Variants in ACOX1 observed in about 807,000 individuals in gnomAD.
ACOX1 encodes acyl-CoA oxidase 1.
In ACOX1, 41 loss-of-function variants were observed where a neutral mutation model predicts 75.5. The ratio of observed to expected loss-of-function variants is 0.54; its 90% confidence interval spans 0.42 to 0.70. The LOEUF is 0.70. Ranked by LOEUF, ACOX1 falls within the 30% of genes least tolerant of loss-of-function variation. The pLI is 0.00. For synonymous variants in ACOX1, 303 were observed against 298.8 expected (o/e 1.01, Z -0.15); for missense variants, 630 against 837.5 (o/e 0.75, Z 3.06).
At chr17:75,963,819 G>A (rs1430577232) in intron 2 of ACOX1, among the ~76,000 whole-genome samples, 1 of 151,726 alleles carries the variant, frequency 6.6e-6, no homozygotes, top group Admixed American at 6.6e-5. Flanking sequence ...TAGAGACTCC[G>A]TGACGGGTTC....
chr17:75,965,696 G>A (rs763310376), intron 2 of ACOX1, among the ~76,000 whole-genome samples: 14 of 152,116 alleles, frequency 9.2e-5, no homozygotes, highest in East Asian at 1.9e-4. Context: ...AACTGGGCGC[G>A]GTGTCACGAG....
At chr17:75,963,625 G>A (rs1453436135) in intron 2 of ACOX1, among the ~76,000 whole-genome samples, 1 of 151,944 alleles carries the variant, frequency 6.6e-6, no homozygotes, top group African/African-American at 2.4e-5. Flanking sequence ...TTGAACCCGG[G>A]AGGCGGAGGC....
intron 6 of ACOX1, among the ~76,000 whole-genome samples, chr17:75,954,426 G>T (rs2144251009): frequency 6.7e-6 from 1 of 149,198 alleles, no homozygotes; most frequent in East Asian, 2.0e-4. Flanking sequence ...GGGAGGCTGA[G>T]GCAGGAGAAT....
chr17:75,952,393 C>G (rs946558566), intron 7 of ACOX1, among the ~76,000 whole-genome samples: 1 of 151,812 alleles, frequency 6.6e-6, no homozygotes, highest in Non-Finnish European at 1.5e-5. Flanking sequence ...TTCCTGGGTT[C>G]AAGTGATTCT....
At position 75,946,712 on chromosome 17, in the gene ACOX1, C is replaced by T. The variant is rs1320271239; in HGVS notation, c.*36G>A. ...ACAAAATTTGAGTTGCACACAGGCG[C>T]TTTCTGAAGCAGATTAAACTTGTCC... On this transcript the variant is annotated 3_prime_UTR_variant, in exon 14 of 14. Transcript: ENST00000293217. 6.2e-7 allele frequency: 1 copy of T among 1,605,214 alleles called. No homozygotes were observed.
At chr17:75,957,403 C>G (rs1299838806) in intron 4 of ACOX1, 56 bp downstream of exon 4, 6 of 1,481,026 alleles carry the variant, frequency 4.1e-6, no homozygotes, top group Non-Finnish European at 5.7e-6. Context: ...ACATTCTAAG[C>G]AAAATCTCAT....
In ACOX1 at chr17:75,958,604, C is replaced by T. The variant is rs189621413; in HGVS notation, c.431-1038G>A. Among the ~76,000 whole-genome samples, 152 of 151,028 alleles carry T rather than the reference C, an allele frequency of 1.0e-3. 1 individual carries two copies. The highest frequency in any genetic ancestry group is 1.6e-3 in the African/African-American group (66 of 41,040). ...CGGGCGGATCACAAAGTCAGGAGAT[C>T]GAGACCATCCTGGTTAACACGGCGA... On this transcript the variant is annotated intron_variant, in intron 3 of 13. Coordinates refer to ENST00000293217, the MANE Select transcript of ACOX1 (RefSeq NM_004035.7).
intron 6 of ACOX1, 123 bp from the exon 7 acceptor site, chr17:75,953,743 T>A: frequency 8.7e-7 from 1 of 1,146,082 alleles, no homozygotes; most frequent in Non-Finnish European, 1.3e-6. Context: ...CATGAAATAC[T>A]ACATCTTAGT....
chr17:75,957,714 T>C, intron 3 of ACOX1, 148 bp from the exon 4 acceptor site: 2 of 634,842 alleles, frequency 3.2e-6, no homozygotes, highest in Non-Finnish European at 5.6e-6. Flanking sequence ...CTACAACTGG[T>C]TGATAACCAA....
At chr17:75,975,813 A>G (rs12602715) in intron 2 of ACOX1, among the ~76,000 whole-genome samples, 7,833 of 151,838 alleles carry the variant, frequency 0.052, 226 homozygotes, top group East Asian at 0.13. Context: ...GAGGTGGCAG[A>G]TGCCTCTTCA....
chr17:75,974,708 G>C (rs1321367033), intron 2 of ACOX1, among the ~76,000 whole-genome samples: 2 of 152,078 alleles, frequency 1.3e-5, no homozygotes, highest in Non-Finnish European at 2.9e-5. Flanking sequence ...TGCAGTGCTG[G>C]GGGACCCTGA....
chr17:75,956,957 CTCTCTCTCTCTCTCTA>C (rs2065834382), intron 4 of ACOX1, among the ~76,000 whole-genome samples: 44 of 28,474 alleles, frequency 1.5e-3, no homozygotes, highest in Admixed American at 2.3e-3. Context: ...CTCTCTCTCT[CTCTCTCTCTCTCTCTA>C]TATATATATA....
At chr17:75,953,044 C>G (rs140384508) in intron 7 of ACOX1, among the ~76,000 whole-genome samples, 17 of 152,042 alleles carry the variant, frequency 1.1e-4, no homozygotes, top group Non-Finnish European at 2.5e-4. Context: ...TAGGAATAAA[C>G]TGTGGCTATG....
In ACOX1 at chr17:75,978,993, G is replaced by T. The variant is rs777657794; in HGVS notation, c.81C>A (p.Pro27=). The stretch of plus-strand genomic sequence containing the variant: ...TCTCTCGGCGGCGCCGGGTTTTCTC[G>T]GGGCTGCCGTCCAGGATGTGTGTAA... ...ELLTHILDGS[P]EKTRRRREIE... Residue 27 remains proline (P), a synonymous_variant, in exon 1 of 14, where the codon CCC becomes CCA. Transcript: ENST00000293217. This position sits in a 1 kb window ranked among gnomAD's most constrained non-coding sequence, Gnocchi z 4.2. 3.1e-6 allele frequency: 5 copies of T among 1,611,176 alleles called. No homozygotes were observed. The highest frequency in any genetic ancestry group is 1.1e-5 in the South Asian group (1 of 91,078).
Position 75,954,568 on chromosome 17 carries a change from CT to C in ACOX1, c.775-949del, listed in dbSNP as rs778030630. Among the ~76,000 whole-genome samples the C allele has an allele frequency of 8.6e-3, 996 of 115,648 alleles. 1 individual carries two copies. The highest frequency in any genetic ancestry group is 0.022 in the African/African-American group (621 of 27,698). 75.9% of individuals were successfully genotyped at this position (115,648 alleles called of 152,430 possible). A position where few individuals can be genotyped will look rare whatever the true frequency, so the allele number is the denominator to read the frequency against. On this transcript the variant is annotated intron_variant, in intron 6 of 13. Coordinates refer to ENST00000293217, the MANE Select transcript of ACOX1 (RefSeq NM_004035.7). Reference sequence around the variant, plus strand: ...AGAAGGAAAAATGCATTATTAGCTCCTTTTTTTTTTTTTTTTTTTTTGAGAC... The same window carrying C: ...AGAAGGAAAAATGCATTATTAGCTCCTTTTTTTTTTTTTTTTTTTTGAGAC...
intron 2 of ACOX1, among the ~76,000 whole-genome samples, chr17:75,963,122 G>C (rs1320681745): frequency 6.6e-6 from 1 of 151,936 alleles, no homozygotes; most frequent in Admixed American, 6.6e-5. Context: ...CAGAGACTCT[G>C]TCTCGAAAAA....
intron 6 of ACOX1, 66 bp downstream of exon 6, chr17:75,955,500 A>G (rs2065815727): frequency 3.1e-6 from 4 of 1,285,978 alleles, no homozygotes; most frequent in Non-Finnish European, 4.5e-6. Context: ...TTCTAACCCT[A>G]TTGTGAGTAA....
In ACOX1 at chr17:75,949,708, G is replaced by C. The variant is rs754006646; in HGVS notation, c.1478+10C>G. ...CTGCTGCGTATTCTAGCTCTTGAGGGAGAGCTCACCTGGCTGCACGGAGTT... is the reference window on the plus strand; with the variant it reads ...CTGCTGCGTATTCTAGCTCTTGAGGCAGAGCTCACCTGGCTGCACGGAGTT... On this transcript the variant is annotated intron_variant, in intron 10 of 13. Coordinates refer to ENST00000293217, the MANE Select transcript of ACOX1 (RefSeq NM_004035.7). 9 of 1,613,998 alleles carry C rather than the reference G, an allele frequency of 5.6e-6. No homozygotes were observed. Among genetic ancestry groups the C allele is most frequent in the Middle Eastern group, 1.6e-4 (1 of 6,084 alleles).
intron 7 of ACOX1, among the ~76,000 whole-genome samples, chr17:75,952,480 C>T (rs897968096): frequency 3.3e-5 from 5 of 151,110 alleles, no homozygotes; most frequent in South Asian, 2.1e-4. Context: ...TTTTAGTAGA[C>T]GTGGGGTTTC....
Sources: allele counts gnomAD v4.1 joint callset (sites outside exome capture counted in the v4.1 genomes callset), GRCh38; gene constraint gnomAD v4.1.1; non-coding constraint Gnocchi (gnomAD v3.1); transcripts MANE v1.5; gene names NCBI Gene and HGNC (gene_info 2026-07-23, HGNC 2026-07-21).